CDH12: variants seen among roughly 807,000 people sequenced by gnomAD.
The protein encoded by CDH12 is cadherin-12.
A neutral mutation model predicts 74.1 loss-of-function variants in CDH12; 41 were observed. The ratio of observed to expected loss-of-function variants is 0.55; its 90% confidence interval spans 0.43 to 0.72. The LOEUF (loss-of-function observed/expected upper bound fraction) is 0.72. Ranked by LOEUF, CDH12 falls within the 30% of genes least tolerant of loss-of-function variation. CDH12 has a pLI of 0.00. For missense variants in CDH12, 945 were observed against 977.2 expected, an observed-to-expected ratio of 0.97 and a Z score of 0.44; for synonymous variants, 399 against 355.0, an observed-to-expected ratio of 1.12 and a Z score of -1.39.
At chr5:21,942,498 T>C (rs1337944220) in intron 6 of CDH12, among the ~76,000 whole-genome samples, 1 of 151,660 alleles carries the variant, frequency 6.6e-6, no homozygotes, top group Non-Finnish European at 1.5e-5. Context: ...TACATAACAT[T>C]ATTTATATAA....
intron 6 of CDH12, among the ~76,000 whole-genome samples, chr5:21,967,247 T>C (rs1222020161): frequency 6.6e-6 from 1 of 152,180 alleles, no homozygotes; most frequent in Non-Finnish European, 1.5e-5. Flanking sequence ...TGATCACTTA[T>C]CATAAAGCCA....
At chr5:22,632,560 T>C (rs747491590) in intron 1 of CDH12, among the ~76,000 whole-genome samples, 25 of 152,032 alleles carry the variant, frequency 1.6e-4, no homozygotes, top group Non-Finnish European at 2.8e-4. Context: ...TCAAAAGTTA[T>C]TTGGAGCTGG....
chr5:22,399,402 A>C (rs909068486), intron 3 of CDH12, among the ~76,000 whole-genome samples: 10 of 152,144 alleles, frequency 6.6e-5, no homozygotes, highest in African/African-American at 2.4e-4. Flanking sequence ...GTAATCAAAT[A>C]ATATTTCAAA....
At chr5:22,264,708 T>G (rs1281513571) in intron 3 of CDH12, among the ~76,000 whole-genome samples, 1 of 152,172 alleles carries the variant, frequency 6.6e-6, no homozygotes, top group Admixed American at 6.6e-5. Flanking sequence ...CTGGCCCTAT[T>G]AGAGACACAA....
intron 3 of CDH12, among the ~76,000 whole-genome samples, chr5:22,238,466 T>C (rs1415794079): frequency 2.0e-5 from 3 of 152,180 alleles, no homozygotes; most frequent in African/African-American, 4.8e-5. Flanking sequence ...AGAAAGTCTA[T>C]AAGATTGCCT....
At chr5:22,603,427 G>C (rs1020194787) in intron 1 of CDH12, among the ~76,000 whole-genome samples, 1 of 152,178 alleles carries the variant, frequency 6.6e-6, no homozygotes, top group Non-Finnish European at 1.5e-5. Context: ...ATTTAGTATT[G>C]AGGTAGAGAG....
At chr5:22,279,639 T>A (rs1736791415) in intron 3 of CDH12, among the ~76,000 whole-genome samples, 1 of 152,172 alleles carries the variant, frequency 6.6e-6, no homozygotes, top group Non-Finnish European at 1.5e-5. Flanking sequence ...TGGGTTTTTG[T>A]CCTTGCAATA....
intron 4 of CDH12, among the ~76,000 whole-genome samples, chr5:22,082,792 C>T (rs1271325567): frequency 1.3e-5 from 2 of 152,244 alleles, no homozygotes; most frequent in East Asian, 3.9e-4. Flanking sequence ...CAACGTAGAA[C>T]ATGATGCCCA....
At chr5:22,702,187 T>C (rs1742747686) in intron 1 of CDH12, among the ~76,000 whole-genome samples, 1 of 152,170 alleles carries the variant, frequency 6.6e-6, no homozygotes, top group Non-Finnish European at 1.5e-5. Context: ...CTACTCATTG[T>C]GTATTGAATA....
intron 1 of CDH12, among the ~76,000 whole-genome samples, chr5:22,715,361 T>C (rs1294346957): frequency 1.3e-5 from 2 of 152,250 alleles, no homozygotes; most frequent in African/African-American, 4.8e-5. Flanking sequence ...GAAGGCAGCA[T>C]CTGCCTCTTT....
chr5:22,377,121 A>G (rs1741562634), intron 3 of CDH12, among the ~76,000 whole-genome samples: 1 of 152,094 alleles, frequency 6.6e-6, no homozygotes, highest in Non-Finnish European at 1.5e-5. Context: ...ATGTGCCCCC[A>G]GAGTGAACAC....
intron 6 of CDH12, among the ~76,000 whole-genome samples, chr5:21,900,745 A>G (rs1753348085): frequency 3.3e-5 from 5 of 152,216 alleles, no homozygotes. Flanking sequence ...ATTGCAGCAC[A>G]ATTCAAGAGA....
Position 22,078,506 on chromosome 5 carries a change from T to A in CDH12, c.171A>T (p.Val57=). The stretch of plus-strand genomic sequence containing the variant: ...CTTCCAGCACAAAAAATTGATTCCA[T>A]ACCCAGCCACGTTTAACACGTTGGA... The part of the protein sequence containing the change: ...SHFQRVKRGW[V]WNQFFVLEEY... Residue 57 remains valine (V), a synonymous_variant, in exon 5 of 15, where the codon GTA becomes GTT. Coordinates refer to ENST00000382254, the MANE Select transcript of CDH12 (RefSeq NM_004061.5). 1.9e-6 allele frequency: 3 copies of A among 1,613,936 alleles called. No homozygotes were observed. Among genetic ancestry groups the A allele is most frequent in the Non-Finnish European group, 2.5e-6 (3 of 1,179,828 alleles).
chr5:22,217,180 G>T (rs1400532618), intron 3 of CDH12, among the ~76,000 whole-genome samples: 1 of 151,666 alleles, frequency 6.6e-6, no homozygotes, highest in East Asian at 1.9e-4. Flanking sequence ...ATTGTAAATG[G>T]AGTAGATTAA....
chr5:22,566,867 C>T (rs1426534480), intron 1 of CDH12, among the ~76,000 whole-genome samples: 1 of 152,132 alleles, frequency 6.6e-6, no homozygotes, highest in Non-Finnish European at 1.5e-5. Context: ...TGACAAGTGA[C>T]ATTCAAATGC....
chr5:21,981,529 G>T (rs1034754349), intron 5 of CDH12, among the ~76,000 whole-genome samples: 2 of 151,714 alleles, frequency 1.3e-5, no homozygotes, highest in African/African-American at 2.4e-5. Flanking sequence ...TTTTGACATT[G>T]GAATGTATCT....
chr5:22,263,322 G>A (rs533808191), intron 3 of CDH12, among the ~76,000 whole-genome samples: 55 of 151,974 alleles, frequency 3.6e-4, no homozygotes, highest in African/African-American at 8.2e-4. Context: ...TTTTGTTAAC[G>A]CAATAACAGA....
intron 3 of CDH12, among the ~76,000 whole-genome samples, chr5:22,308,480 A>G (rs541307005): frequency 6.6e-6 from 1 of 152,294 alleles, no homozygotes; most frequent in African/African-American, 2.4e-5. Context: ...ATTAAAAAAG[A>G]TATCCTCAAG....
At chr5:22,536,866 C>A (rs1317941434) in intron 1 of CDH12, among the ~76,000 whole-genome samples, 1 of 152,196 alleles carries the variant, frequency 6.6e-6, no homozygotes, top group Non-Finnish European at 1.5e-5. Context: ...ACAAAAACTT[C>A]TCCTTAGCTT....
Sources: gnomAD v4.1 joint callset for allele counts (sites outside exome capture counted in the v4.1 genomes callset) on GRCh38, gnomAD v4.1.1 for gene constraint, MANE v1.5 for transcripts, NCBI Gene and HGNC (gene_info 2026-07-23, HGNC 2026-07-21) for gene names.